The following TRNT1 variants were observed in gnomAD, a reference collection of about 807,000 sequenced individuals.
TRNT1 encodes the protein CCA tRNA nucleotidyltransferase 1, mitochondrial.
TRNT1 carries 44 observed loss-of-function variants against 45.6 expected under a neutral mutation model. That is an observed-to-expected ratio of 0.97 (90% CI 0.76 to 1.24). The LOEUF (loss-of-function observed/expected upper bound fraction) is 1.24, where lower values mean the gene tolerates loss of function less well. Ranked by LOEUF, TRNT1 falls within the 50% of genes most tolerant of loss-of-function variation. TRNT1 has a pLI of 0.00. For missense variants in TRNT1, 633 were observed against 504.4 expected, an observed-to-expected ratio of 1.25 and a Z score of -2.44; for synonymous variants, 201 against 171.4, an observed-to-expected ratio of 1.17 and a Z score of -1.35.
Position 3,144,711 on chromosome 3 carries a change from G to T in TRNT1, c.608+1G>T, listed in dbSNP as rs529290186. 9.6e-5 allele frequency: 146 copies of T among 1,524,980 alleles called. No homozygotes were observed. The highest frequency in any genetic ancestry group is 1.2e-4 in the Non-Finnish European group (140 of 1,127,496). 94.5% of individuals were successfully genotyped at this position (1,524,980 alleles called of 1,614,324 possible). On this transcript the variant is annotated splice_donor_variant, in intron 5 of 7. Coordinates refer to ENST00000251607, the MANE Select transcript of TRNT1 (RefSeq NM_182916.3). LOFTEE classifies it high-confidence loss of function. ...ATCTTAGAATTTTAAGATACTTCAG[G>T]TAAGAATTTTTAAAAATAAAAAATG...
chr3:3,151,396 T>C (rs923423590), downstream of TRNT1, among the ~76,000 whole-genome samples: 1 of 152,188 alleles, frequency 6.6e-6, no homozygotes, highest in African/African-American at 2.4e-5. Flanking sequence ...TCCTTTGTTG[T>C]ATTGCAGTCA....
chr3:3,151,119 A>AAGAC (rs1706512430), downstream of TRNT1: 2 of 1,517,210 alleles, frequency 1.3e-6, no homozygotes, highest in Admixed American at 1.8e-5. Flanking sequence ...ACCTATCATG[A>AAGAC]AGACAGACTT....
At chr3:3,127,768 C>T (rs748156532) in intron 1 of TRNT1, 1 of 152,236 alleles carries the variant, frequency 6.6e-6, no homozygotes, top group Non-Finnish European at 1.5e-5. Flanking sequence ...GCATCCCTCT[C>T]ATACTGCCTG....
chr3:3,129,239 AG>A (rs1339821838), intron 2 of TRNT1, 51 bp downstream of exon 2: 1 of 1,486,186 alleles, frequency 6.7e-7, no homozygotes, highest in East Asian at 2.3e-5. Context: ...TAAATGGAGA[AG>A]TAGAGGGTTA....
downstream of TRNT1, chr3:3,151,127 C>A: frequency 7.1e-7 from 1 of 1,413,842 alleles, no homozygotes; most frequent in South Asian, 1.2e-5. Flanking sequence ...TGAAGACAGA[C>A]TTTAGAGGCA....
downstream of TRNT1, chr3:3,152,476 T>C (rs1447378266): frequency 6.2e-7 from 1 of 1,613,838 alleles, no homozygotes; most frequent in Non-Finnish European, 8.5e-7. Context: ...AGCTGTGTTC[T>C]GTAGAAGGCC....
chr3:3,128,944 TC>T, intron 1 of TRNT1, 69 bp from the exon 2 acceptor site: 1 of 1,142,436 alleles, frequency 8.8e-7, no homozygotes, highest in Non-Finnish European at 1.2e-6. Flanking sequence ...TTGAAATGTG[TC>T]CCCCTTTGTT....
chr3:3,150,445 A>G, downstream of TRNT1: 1 of 169,714 alleles, frequency 5.9e-6, no homozygotes, highest in Non-Finnish European at 1.3e-5. Flanking sequence ...TATTTAGAGC[A>G]CTGGTACAGA....
At chr3:3,129,589 G>C (rs1186638546) in intron 2 of TRNT1, 1 of 470,452 alleles carries the variant, frequency 2.1e-6, no homozygotes, top group Non-Finnish European at 3.9e-6. Context: ...CTCAAAAAAA[G>C]AGAAAGGAAT....
At position 3,137,408 on chromosome 3, in the gene TRNT1, G is replaced by T; in HGVS notation, c.297G>T (p.Arg99=). The change falls in exon 3 of 8, where the codon CGG becomes CGT. Residue 99 remains arginine (R), a synonymous_variant. Coordinates refer to ENST00000251607, the MANE Select transcript of TRNT1 (RefSeq NM_182916.3). ...AGATGTTTCAGTCGGCTGGGATTCG[G>T]ATGATAAACAACAGAGGAGAAAAGC... ...MKEMFQSAGI[R]MINNRGEKHG... 6.2e-7 allele frequency: 1 copy of T among 1,613,670 alleles called. No homozygotes were observed. The highest frequency in any genetic ancestry group is 8.5e-7 in the Non-Finnish European group (1 of 1,179,812).
Position 3,137,282 on chromosome 3 carries a change from C to T in TRNT1, c.171C>T (p.His57=), listed in dbSNP as rs760080058. ...CAGAATTATTTGTCAAAGAGAATCA[C>T]GAATTAAGAATAGCAGGAGGAGCAG... ...SLTELFVKEN[H]ELRIAGGAVR... The change falls in exon 3 of 8, where the codon CAC becomes CAT. Residue 57 remains histidine, a synonymous_variant. Transcript: ENST00000251607. The T allele has an allele frequency of 4.0e-5, 63 of 1,590,830 alleles. No homozygotes were observed. In the Admixed American group the frequency reaches 4.3e-4, roughly 11 times the overall value.
At chr3:3,141,028 T>C (rs1705615837) in intron 4 of TRNT1, among the ~76,000 whole-genome samples, 1 of 152,068 alleles carries the variant, frequency 6.6e-6, no homozygotes, top group South Asian at 2.1e-4. Context: ...GCTGAGATTG[T>C]GCCACTGCAC....
At chr3:3,152,533 A>G (rs1177099657), downstream of TRNT1, 8 of 1,614,116 alleles carry the variant, frequency 5.0e-6, no homozygotes, top group Middle Eastern at 3.3e-4. Flanking sequence ...TAAGTGTCTC[A>G]TGCACATATC....
intron 5 of TRNT1, 139 bp downstream of exon 5, chr3:3,144,849 C>A: frequency 1.3e-6 from 1 of 759,154 alleles, no homozygotes; most frequent in Non-Finnish European, 1.8e-6. Flanking sequence ...ACCTAGCACC[C>A]TATGACTTAT....
downstream of TRNT1, chr3:3,149,271 A>ATACT (rs565522464): frequency 5.3e-4 from 81 of 152,230 alleles, no homozygotes; most frequent in South Asian, 1.0e-3. Context: ...ATACTTTGAA[A>ATACT]TACTTACTTA....
At chr3:3,153,269 G>T, downstream of TRNT1, 1 of 588,728 alleles carries the variant, frequency 1.7e-6, no homozygotes, top group Non-Finnish European at 3.1e-6. Context: ...CAATCTGGAA[G>T]ATGGTCTTAG....
In TRNT1 at chr3:3,146,404, T is replaced by C. The variant is rs876661299; in HGVS notation, c.609-26T>C. On this transcript the variant is annotated intron_variant, in intron 5 of 7. Coordinates refer to ENST00000251607, the MANE Select transcript of TRNT1 (RefSeq NM_182916.3). ...TTGTGATATGCCAATATAGAGGTAA[T>C]ACCCTGTGAAGATTTTGTCTTGTAG... 4 of 1,583,894 alleles carry C rather than the reference T, an allele frequency of 2.5e-6. No homozygotes were observed. The highest frequency in any genetic ancestry group is 1.7e-6 in the Non-Finnish European group (2 of 1,162,062).
chr3:3,144,580 AT>A lies in TRNT1; in HGVS notation c.482-3del. 1 of 1,574,338 alleles carries A rather than the reference AT, an allele frequency of 6.4e-7. No homozygotes were observed. Among genetic ancestry groups the A allele is most frequent in the East Asian group, 2.3e-5 (1 of 44,032 alleles). ...ATTTTTCTCCCTCCTTTTCTAATGAATAGGTTTTGATGGCACTTTATTTGAC... is the reference window on the plus strand; with the variant it reads ...ATTTTTCTCCCTCCTTTTCTAATGAAAGGTTTTGATGGCACTTTATTTGAC... On this transcript the variant is annotated splice_polypyrimidine_tract_variant and splice_region_variant and intron_variant, in intron 4 of 7. Transcript: ENST00000251607.
chr3:3,151,125 G>T, downstream of TRNT1: 1 of 1,415,608 alleles, frequency 7.1e-7, no homozygotes. Flanking sequence ...CATGAAGACA[G>T]ACTTTAGAGG....
Sources: gnomAD v4.1 joint callset for allele counts (sites outside exome capture counted in the v4.1 genomes callset) on GRCh38, gnomAD v4.1.1 for gene constraint, MANE v1.5 for transcripts, NCBI Gene and HGNC (gene_info 2026-07-23, HGNC 2026-07-21) for gene names.